HDAC9: variants seen among roughly 807,000 people sequenced by gnomAD.
HDAC9 encodes MEF-2 interacting transcription repressor (MITR) protein.
HDAC9 carries 41 observed loss-of-function variants against 139.4 expected under a neutral mutation model. The observed-to-expected ratio is 0.29, with a 90% CI of 0.23 to 0.38. The LOEUF (loss-of-function observed/expected upper bound fraction) is 0.38. HDAC9 is among the 10% of genes least tolerant of loss of function. The probability of loss-of-function intolerance (pLI) is 1.00; values close to 1 mark genes in which losing one functional copy is unlikely to be tolerated. For synonymous variants in HDAC9, 517 were observed against 476.2 expected, an observed-to-expected ratio of 1.09 and a Z score of -1.12; for missense variants, 1,147 against 1,297.0, an observed-to-expected ratio of 0.88 and a Z score of 1.78.
At chr7:18,891,915 T>A (rs1423888304) in intron 22 of HDAC9, among the ~76,000 whole-genome samples, 1 of 152,152 alleles carries the variant, frequency 6.6e-6, no homozygotes, top group Non-Finnish European at 1.5e-5. Context: ...ATCCAGCTTA[T>A]CTATTTGATG....
intron 22 of HDAC9, among the ~76,000 whole-genome samples, chr7:18,896,372 A>G (rs960813254): frequency 1.3e-5 from 2 of 152,102 alleles, no homozygotes; most frequent in African/African-American, 4.8e-5. Context: ...GAAACACTCA[A>G]TTTGGTCAGG....
chr7:18,336,117 A>T (rs559584223), intron 1 of HDAC9, among the ~76,000 whole-genome samples: 46 of 151,754 alleles, frequency 3.0e-4, no homozygotes, highest in Middle Eastern at 3.4e-3. Flanking sequence ...TGCTTGCTAG[A>T]TATCAGGTCT....
At chr7:18,823,992 A>C (rs1443154249) in intron 17 of HDAC9, among the ~76,000 whole-genome samples, 2 of 147,102 alleles carry the variant, frequency 1.4e-5, no homozygotes, top group African/African-American at 5.0e-5. Flanking sequence ...GAAGAAGAAG[A>C]AGAAGGAGAA....
At chr7:18,805,062 G>T (rs1793596935) in intron 17 of HDAC9, among the ~76,000 whole-genome samples, 1 of 152,188 alleles carries the variant, frequency 6.6e-6, no homozygotes, top group South Asian at 2.1e-4. Context: ...CTCCCGAAGT[G>T]CTGGGATTAC....
upstream of HDAC9, chr7:18,290,245 A>G (rs1797719681): frequency 6.3e-6 from 2 of 317,132 alleles, no homozygotes; most frequent in African/African-American, 2.2e-5. Context: ...CCTGCATACC[A>G]GCTATAGTAA....
intron 22 of HDAC9, among the ~76,000 whole-genome samples, chr7:18,900,310 C>T (rs1354030805): frequency 2.0e-5 from 3 of 152,132 alleles, no homozygotes; most frequent in African/African-American, 7.2e-5. Flanking sequence ...CTCTAGGGTG[C>T]TTCTTCATGC....
At chr7:18,792,419 G>A (rs1318464171) in intron 16 of HDAC9, among the ~76,000 whole-genome samples, 1 of 151,546 alleles carries the variant, frequency 6.6e-6, no homozygotes, top group Non-Finnish European at 1.5e-5. Flanking sequence ...CTACCATCTG[G>A]TACTGTTTTT....
Position 18,795,592 on chromosome 7 carries a change from C to A in HDAC9, c.2322+2140C>A, listed in dbSNP as rs1328869144. Among the ~76,000 whole-genome samples the A allele has an allele frequency of 2.0e-5, 3 of 152,286 alleles. No homozygotes were observed. The East Asian group carries it at 5.8e-4, about 29-fold the overall frequency. On this transcript the variant is annotated intron_variant, in intron 17 of 25. Coordinates refer to ENST00000686413, the MANE Select transcript of HDAC9 (RefSeq NM_178425.4). ...GGGTTATCTTTCTGATTGCCAAGTC[C>A]ATTGTAAAAGTCCAAGATAGGCAGA...
intron 2 of HDAC9, among the ~76,000 whole-genome samples, chr7:18,194,674 A>G (rs1790606500): frequency 6.6e-6 from 1 of 152,162 alleles, no homozygotes; most frequent in Admixed American, 6.5e-5. Context: ...GATGATTGCA[A>G]CTTCATTTTA....
At chr7:18,814,812 TA>T (rs1794443072) in intron 17 of HDAC9, among the ~76,000 whole-genome samples, 1 of 152,202 alleles carries the variant, frequency 6.6e-6, no homozygotes, top group Non-Finnish European at 1.5e-5. Flanking sequence ...GAAGAACATT[TA>T]GAATTAGAAT....
intron 2 of HDAC9, among the ~76,000 whole-genome samples, chr7:18,224,779 A>T (rs1215227340): frequency 2.6e-5 from 4 of 152,170 alleles, no homozygotes; most frequent in Non-Finnish European, 5.9e-5. Flanking sequence ...TAAAAGAAAT[A>T]TGAGGATGTA....
chr7:18,657,394 C>A (rs1791574156), intron 11 of HDAC9, among the ~76,000 whole-genome samples: 1 of 151,950 alleles, frequency 6.6e-6, no homozygotes, highest in Admixed American at 6.6e-5. Flanking sequence ...ATTCTGAGAC[C>A]CATTCCCAAA....
chr7:18,323,122 A>T (rs190263753), intron 1 of HDAC9, among the ~76,000 whole-genome samples: 1 of 152,294 alleles, frequency 6.6e-6, no homozygotes, highest in Non-Finnish European at 1.5e-5. Flanking sequence ...CATGTTAGAA[A>T]GTAGCAAACC....
chr7:18,521,001 C>T (rs1252778816), intron 2 of HDAC9, among the ~76,000 whole-genome samples: 1 of 152,168 alleles, frequency 6.6e-6, no homozygotes, highest in Non-Finnish European at 1.5e-5. Flanking sequence ...CGGCAGTCCT[C>T]CTCTAACAGG....
intron 12 of HDAC9, among the ~76,000 whole-genome samples, chr7:18,674,225 C>T (rs1020330925): frequency 1.3e-5 from 2 of 152,014 alleles, no homozygotes; most frequent in African/African-American, 4.8e-5. Flanking sequence ...CCATGGTGCT[C>T]TCATTGCAAT....
At chr7:18,625,244 C>T (rs1841349751) in intron 6 of HDAC9, among the ~76,000 whole-genome samples, 1 of 152,004 alleles carries the variant, frequency 6.6e-6, no homozygotes, top group Admixed American at 6.6e-5. Context: ...ACATAGAGTA[C>T]TCTCAATTTC....
intron 2 of HDAC9, among the ~76,000 whole-genome samples, chr7:18,500,717 C>T (rs1021020194): frequency 6.6e-6 from 1 of 152,088 alleles, no homozygotes; most frequent in Non-Finnish European, 1.5e-5. Flanking sequence ...TTTGGAATGA[C>T]GTACCTTTCA....
intron 25 of HDAC9, among the ~76,000 whole-genome samples, chr7:18,976,543 G>T (rs1784563073): frequency 6.6e-6 from 1 of 152,160 alleles, no homozygotes; most frequent in African/African-American, 2.4e-5. Flanking sequence ...TTTGGGATAG[G>T]ACAGAATTGG....
At chr7:18,733,192 T>G (rs2129135862) in intron 13 of HDAC9, among the ~76,000 whole-genome samples, 1 of 148,674 alleles carries the variant, frequency 6.7e-6, no homozygotes, top group African/African-American at 2.5e-5. Context: ...TCTATACATA[T>G]ATACACGTGT....
Sources: gnomAD v4.1 joint callset for allele counts (sites outside exome capture counted in the v4.1 genomes callset) on GRCh38, gnomAD v4.1.1 for gene constraint, MANE v1.5 for transcripts, NCBI Gene and HGNC (gene_info 2026-07-23, HGNC 2026-07-21) for gene names.